The following FAAH2 variants were observed in gnomAD, a reference collection of about 807,000 sequenced individuals.
FAAH2 encodes the protein fatty acid amide hydrolase 2.
In FAAH2, 60 loss-of-function variants were observed where a neutral mutation model predicts 36.9. That is an observed-to-expected ratio of 1.63 (90% CI 1.32 to 2.02). FAAH2 has a LOEUF of 2.02. Ranked by LOEUF, FAAH2 falls within the 30% of genes most tolerant of loss-of-function variation. FAAH2 has a pLI of 0.00. For synonymous variants in FAAH2, 214 were observed against 143.8 expected (o/e 1.49, Z -3.49); for missense variants, 689 against 397.5 (o/e 1.73, Z -6.23).
intron 8 of FAAH2, among the ~76,000 whole-genome samples, chrX:57,442,665 G>A (rs184750298): frequency 8.9e-6 from 1 of 111,928 alleles, no homozygotes; most frequent in East Asian, 2.8e-4. Context: ...ATGTTAACTG[G>A]TTATTTTGCT....
At chrX:57,195,512 T>TAGGA in the FAAH2 span, among the ~76,000 whole-genome samples, 1 of 111,999 alleles carries the variant, frequency 8.9e-6, no homozygotes. Flanking sequence ...TATTAGTCCT[T>TAGGA]TTTCAGATGC....
At chrX:57,142,639 T>C in the FAAH2 span, among the ~76,000 whole-genome samples, 1 of 111,606 alleles carries the variant, frequency 9.0e-6, no homozygotes, top group Non-Finnish European at 1.9e-5. Flanking sequence ...ATGGTGCAGA[T>C]TAAGTCTGAT....
chrX:57,144,942 A>G, the FAAH2 span, among the ~76,000 whole-genome samples: 1 of 110,815 alleles, frequency 9.0e-6, no homozygotes, highest in African/African-American at 3.3e-5. Context: ...ACACACACAC[A>G]CACCACAATT....
rs2056690758 is a variant in FAAH2, at chrX:57,447,093, A to G, written c.1228+54A>G. Reference sequence around the variant, plus strand: ...GTTTGATGTCCTGTAATATTTCTTAATATCTAAATATAAATTTTGGACTAA... The same window carrying G: ...GTTTGATGTCCTGTAATATTTCTTAGTATCTAAATATAAATTTTGGACTAA... On this transcript the variant is annotated intron_variant, in intron 9 of 10. Coordinates refer to ENST00000374900, the MANE Select transcript of FAAH2 (RefSeq NM_174912.4). 9.9e-6 allele frequency: 9 copies of G among 911,198 alleles called. No individual in the cohort carries two copies. The Admixed American group carries it at 1.4e-4, about 14-fold the overall frequency. 75.1% of individuals were successfully genotyped at this position (911,198 alleles called of 1,213,427 possible).
intron 10 of FAAH2, among the ~76,000 whole-genome samples, chrX:57,460,835 C>T (rs1347588283): frequency 9.0e-6 from 1 of 111,668 alleles, no homozygotes; most frequent in Non-Finnish European, 1.9e-5. Flanking sequence ...CTAAATGCCC[C>T]AATTAAAAGA....
chrX:57,251,515 G>T, the FAAH2 span, among the ~76,000 whole-genome samples: 2 of 111,654 alleles, frequency 1.8e-5, no homozygotes, highest in African/African-American at 6.5e-5. Context: ...AGTTAGGCAA[G>T]AGAAAGAAAC....
the FAAH2 span, among the ~76,000 whole-genome samples, chrX:57,211,646 G>T: frequency 8.9e-6 from 1 of 111,800 alleles, no homozygotes; most frequent in African/African-American, 3.3e-5. Context: ...TACAACATTT[G>T]CTGACACAAT....
chrX:57,298,829 T>C (rs1445986500), intron 2 of FAAH2, among the ~76,000 whole-genome samples: 3 of 99,764 alleles, frequency 3.0e-5, no homozygotes, highest in Non-Finnish European at 4.1e-5. Context: ...TAAACACCTG[T>C]ATGCAAATAA....
rs754130170 is a variant in FAAH2 at position 57,381,087 on chromosome X, AGCCCTTTACTTCACTTACT to A, written c.996+62_996+80del. The A allele has an allele frequency of 3.2e-5, 28 of 876,703 alleles. No homozygotes were observed. The South Asian group carries it at 6.3e-4, about 20-fold the overall frequency. 72.3% of individuals were successfully genotyped at this position (876,703 alleles called of 1,213,427 possible). A position where few individuals can be genotyped will look rare whatever the true frequency, so the allele number is the denominator to read the frequency against. On this transcript the variant is annotated intron_variant, in intron 7 of 10. Coordinates refer to ENST00000374900, the MANE Select transcript of FAAH2 (RefSeq NM_174912.4). ...TTTTAGTCAAAGAGATATCCTTCTGAGCCCTTTACTTCACTTACTGCCAAATATTTCTGTGTCAGCATAC... is the reference window on the plus strand; with the variant it reads ...TTTTAGTCAAAGAGATATCCTTCTGAGCCAAATATTTCTGTGTCAGCATAC...
At chrX:57,148,642 G>A in the FAAH2 span, among the ~76,000 whole-genome samples, 65 of 111,603 alleles carry the variant, frequency 5.8e-4, no homozygotes, top group African/African-American at 1.5e-3. Flanking sequence ...GTTGCTTATC[G>A]GCTTAAGGAG....
rs140830285 is a variant in FAAH2, at chrX:57,424,137, G to A, written c.997-7781G>A. Among the ~76,000 whole-genome samples, 98 of 111,935 alleles carry A rather than the reference G, an allele frequency of 8.8e-4. No individual in the cohort carries two copies. In the East Asian group the frequency reaches 9.0e-3, roughly 10 times the overall value. On this transcript the variant is annotated intron_variant, in intron 7 of 10. Coordinates refer to ENST00000374900, the MANE Select transcript of FAAH2 (RefSeq NM_174912.4). Reference sequence around the variant, plus strand: ...GCATTTGAGAAAGCCACCACACTGAGGCTATTTATGACTAAGAAAATTAAA... The same window carrying A: ...GCATTTGAGAAAGCCACCACACTGAAGCTATTTATGACTAAGAAAATTAAA...
chrX:57,477,085 T>C (rs1208286228), intron 10 of FAAH2, among the ~76,000 whole-genome samples: 1 of 111,089 alleles, frequency 9.0e-6, no homozygotes, highest in Non-Finnish European at 1.9e-5. Flanking sequence ...TTGTTTGTTC[T>C]CTATTTTTTT....
Position 57,448,694 on chromosome X carries a change from C to A in FAAH2, c.1399C>A (p.Arg467=), listed in dbSNP as rs750962149. The stretch of plus-strand genomic sequence containing the variant: ...ACCTAAGCATCATGTCCCTCTAACA[C>A]GGCCTTTCAACTTTGCTTACACAGG... ...VAPKHHVPLT[R]PFNFAYTGVF... is the part of the protein sequence containing the mutation. Residue 467 remains arginine, a synonymous_variant, in exon 10 of 11, where the codon CGG becomes AGG. Transcript: ENST00000374900. The A allele has an allele frequency of 2.6e-5, 32 of 1,209,651 alleles. No individual in the cohort carries two copies. Among genetic ancestry groups the A allele is most frequent in the Non-Finnish European group, 3.6e-5 (32 of 894,312 alleles).
chrX:57,393,351 C>T, intron 7 of FAAH2: 1 of 750,856 alleles, frequency 1.3e-6, no homozygotes, highest in Non-Finnish European at 2.1e-6. Flanking sequence ...CTGACAGTGG[C>T]AACAAGCACC....
chrX:57,306,833 T>C (rs1201950215), intron 2 of FAAH2, among the ~76,000 whole-genome samples: 1 of 93,428 alleles, frequency 1.1e-5, no homozygotes, highest in South Asian at 5.2e-4. Context: ...ATATATATAC[T>C]ATATATGTAC....
the FAAH2 span, among the ~76,000 whole-genome samples, chrX:57,237,847 A>G: frequency 8.9e-6 from 1 of 111,867 alleles, no homozygotes; most frequent in South Asian, 3.7e-4. Context: ...AATGACATGA[A>G]CAGACACTTT....
intron 5 of FAAH2, among the ~76,000 whole-genome samples, chrX:57,360,847 C>T (rs2054270629): frequency 9.1e-6 from 1 of 110,312 alleles, no homozygotes; most frequent in Non-Finnish European, 1.9e-5. Context: ...CACCGACAGG[C>T]CCCGGTGTGT....
chrX:57,432,867 C>T (rs1192942280), intron 8 of FAAH2, among the ~76,000 whole-genome samples: 3 of 110,376 alleles, frequency 2.7e-5, no homozygotes, highest in East Asian at 2.9e-4. Context: ...CTATTGATAC[C>T]CATTTTACAG....
At chrX:57,213,187 A>T in the FAAH2 span, among the ~76,000 whole-genome samples, 1 of 109,752 alleles carries the variant, frequency 9.1e-6, no homozygotes, top group South Asian at 4.1e-4. Context: ...TCTCCTTTTA[A>T]ACTCGTGATT....
Sources: allele counts gnomAD v4.1 joint callset (sites outside exome capture counted in the v4.1 genomes callset), GRCh38; gene constraint gnomAD v4.1.1; transcripts MANE v1.5; gene names NCBI Gene and HGNC (gene_info 2026-07-23, HGNC 2026-07-21).